Variants in GFRA3 observed in about 807,000 individuals in gnomAD.
GFRA3 encodes GDNF family receptor alpha 3, also known as GDNF family receptor alpha-3.
Under a neutral mutation model 40.0 loss-of-function variants are expected in GFRA3, and 24 were observed. The ratio of observed to expected loss-of-function variants is 0.60; its 90% CI spans 0.43 to 0.84. The LOEUF is 0.84. GFRA3 is among the 40% of genes least tolerant of loss of function. GFRA3 has a pLI of 0.00. For missense variants in GFRA3, 405 were observed against 530.6 expected, an observed-to-expected ratio of 0.76 and a Z score of 2.33; for synonymous variants, 203 against 213.5, an observed-to-expected ratio of 0.95 and a Z score of 0.43.
intron 1 of GFRA3, among the ~76,000 whole-genome samples, chr5:138,272,455 C>T (rs1003409243): frequency 1.4e-5 from 2 of 147,700 alleles, no homozygotes; most frequent in African/African-American, 2.5e-5. Flanking sequence ...CCTGGGCATC[C>T]GAGATGGCAA....
At position 138,259,554 on chromosome 5, in the gene GFRA3, C is replaced by T. The variant is rs755423016; in HGVS notation, c.472+3G>A. 8 of 1,430,620 alleles carry T rather than the reference C, an allele frequency of 5.6e-6. No homozygotes were observed. The East Asian group carries it at 1.8e-4, about 32-fold the overall frequency. The allele number at this position is 1,430,620 out of a possible 1,614,324, so 88.6% of individuals were successfully genotyped here. A position where few individuals can be genotyped will look rare whatever the true frequency, so the allele number is the denominator to read the frequency against. ...GGTTCCCGAGCCTAGTTGCCCTCCA[C>T]ACCTGGTTTGAGCATGTTCAGTTTG... On this transcript the variant is annotated splice_donor_region_variant and intron_variant, in intron 3 of 7. Transcript: ENST00000274721.
chr5:138,273,335 T>C (rs951904290), intron 1 of GFRA3, among the ~76,000 whole-genome samples: 11 of 152,308 alleles, frequency 7.2e-5, no homozygotes, highest in Admixed American at 1.3e-4. Context: ...CTGTGGAAAA[T>C]AGATCTGTCA....
chr5:138,258,671 C>T (rs908374832), intron 3 of GFRA3, among the ~76,000 whole-genome samples: 1 of 152,134 alleles, frequency 6.6e-6, no homozygotes, highest in Non-Finnish European at 1.5e-5. Flanking sequence ...TTCTAAAGCA[C>T]TTTCAGAACT....
intron 1 of GFRA3, among the ~76,000 whole-genome samples, chr5:138,273,342 G>C (rs537750983): frequency 1.4e-4 from 22 of 152,298 alleles, no homozygotes; most frequent in African/African-American, 5.1e-4. Context: ...AAATAGATCT[G>C]TCACCAACAC....
At chr5:138,265,310 G>A (rs543569098) in intron 1 of GFRA3, among the ~76,000 whole-genome samples, 29 of 150,518 alleles carry the variant, frequency 1.9e-4, no homozygotes, top group Non-Finnish European at 3.1e-4. Flanking sequence ...TCCGCCTCCC[G>A]GGTTCAAGCG....
chr5:138,253,374 C>T lies in GFRA3; in HGVS notation c.1026G>A (p.Thr342=), dbSNP rs369291619. 1.3e-5 allele frequency: 20 copies of T among 1,580,476 alleles called. No homozygotes were observed. Among genetic ancestry groups the T allele is most frequent in the South Asian group, 6.9e-5 (6 of 87,218 alleles). The change falls in exon 7 of 8, where the codon ACG becomes ACA. Residue 342 remains threonine, a splice_region_variant and synonymous_variant. Transcript: ENST00000274721. ...AACGCATCTTAGCTGCAATGGCCTC[C>T]GCTGAAGAGAGGAGAGAAGGCTCAT... ...EGFFSHNPCL[T]EAIAAKMRFH...
At chr5:138,273,266 A>T (rs1755902672) in intron 1 of GFRA3, among the ~76,000 whole-genome samples, 1 of 152,056 alleles carries the variant, frequency 6.6e-6, no homozygotes, top group African/African-American at 2.4e-5. Flanking sequence ...CTCCTAGATG[A>T]CTGTTTTATG....
intron 5 of GFRA3, 78 bp downstream of exon 5, chr5:138,253,979 C>G: frequency 6.3e-7 from 1 of 1,575,940 alleles, no homozygotes; most frequent in Admixed American, 1.7e-5. Flanking sequence ...ATGTCAGGAT[C>G]ACATCCTTTA....
At chr5:138,271,657 A>T (rs1320148336) in intron 1 of GFRA3, among the ~76,000 whole-genome samples, 1 of 150,048 alleles carries the variant, frequency 6.7e-6, no homozygotes, top group African/African-American at 2.5e-5. Flanking sequence ...TGCAGCCTAC[A>T]GTCTCGACCT....
In GFRA3 at chr5:138,264,275, C is replaced by A. The variant is rs201874513; in HGVS notation, c.365G>T (p.Arg122Leu). 5 of 1,597,842 alleles carry A rather than the reference C, an allele frequency of 3.1e-6. No individual in the cohort carries two copies. Among genetic ancestry groups the A allele is most frequent in the Non-Finnish European group, 4.3e-6 (5 of 1,167,232 alleles). ...GGGAGCCTCACCAAGGCTGCGGGCA[C>A]GGTGAACGGTCCAATAGATGTCCAA... ...ACLDIYWTVH[R>L]ARSLGNYELD... Residue 122 changes from arginine (R) to leucine (L), a missense_variant, in exon 2 of 8, where the codon CGT becomes CTT. Arg to Leu is a moderately radical substitution (Grantham distance 102). Coordinates refer to ENST00000274721, the MANE Select transcript of GFRA3 (RefSeq NM_001496.4).
In GFRA3 at chr5:138,274,207, T is replaced by TC. The variant is rs540827412; in HGVS notation, c.91+126dup. ...GGCACCCTGGGCTTCCTGCTCCAGTTCCCCTTGTTCGGCTCGGATGCACCG... is the reference window on the plus strand; with the variant it reads ...GGCACCCTGGGCTTCCTGCTCCAGTTCCCCCTTGTTCGGCTCGGATGCACCG... On this transcript the variant is annotated intron_variant, in intron 1 of 7. Coordinates refer to ENST00000274721, the MANE Select transcript of GFRA3 (RefSeq NM_001496.4). The TC allele has an allele frequency of 4.9e-3, 5,935 of 1,216,964 alleles. 23 individuals are homozygous for TC. Among genetic ancestry groups the TC allele is most frequent in the Non-Finnish European group, 5.7e-3 (5,442 of 954,568 alleles). 75.4% of individuals were successfully genotyped at this position (1,216,964 alleles called of 1,614,324 possible).
At chr5:138,268,210 A>T (rs1204218790) in intron 1 of GFRA3, among the ~76,000 whole-genome samples, 2 of 144,574 alleles carry the variant, frequency 1.4e-5, no homozygotes, top group Admixed American at 1.4e-4. Flanking sequence ...GCTTGAACCC[A>T]GGAGGCAGAG....
rs1755924883 is a variant in GFRA3, at chr5:138,274,596, A to G, written c.-172T>C. Reference sequence around the variant, plus strand: ...CCCTCCAACTCCGAAGCGCGCGTCCACACCACGCGCCTCCAGCGCTGGTCC... The same window carrying G: ...CCCTCCAACTCCGAAGCGCGCGTCCGCACCACGCGCCTCCAGCGCTGGTCC... On this transcript the variant is annotated 5_prime_UTR_variant, in exon 1 of 8. Coordinates refer to ENST00000274721, the MANE Select transcript of GFRA3 (RefSeq NM_001496.4). The G allele has an allele frequency of 1.6e-6, 2 of 1,220,042 alleles. No individual in the cohort carries two copies. Among genetic ancestry groups the G allele is most frequent in the East Asian group, 3.2e-5 (1 of 30,902 alleles). The allele number at this position is 1,220,042 out of a possible 1,614,324, so 75.6% of individuals were successfully genotyped here. A position where few individuals can be genotyped will look rare whatever the true frequency, so the allele number is the denominator to read the frequency against.
intron 2 of GFRA3, among the ~76,000 whole-genome samples, chr5:138,262,783 G>A (rs1359630785): frequency 6.6e-6 from 1 of 151,972 alleles, no homozygotes; most frequent in Non-Finnish European, 1.5e-5. Context: ...GAGAATGTTT[G>A]TTGTGGTTAT....
At chr5:138,258,633 GA>G (rs1280162067) in intron 3 of GFRA3, among the ~76,000 whole-genome samples, 2 of 152,172 alleles carry the variant, frequency 1.3e-5, no homozygotes, top group Non-Finnish European at 2.9e-5. Context: ...TCTGATGGTA[GA>G]AATGATAACC....
At chr5:138,264,118 C>T in intron 2 of GFRA3, 143 bp downstream of exon 2, 1 of 701,954 alleles carries the variant, frequency 1.4e-6, no homozygotes. Context: ...AGCACTATCC[C>T]TCCACCTTTC....
intron 4 of GFRA3, among the ~76,000 whole-genome samples, chr5:138,254,375 C>T (rs532857869): frequency 5.3e-5 from 8 of 151,904 alleles, no homozygotes; most frequent in Non-Finnish European, 1.2e-4. Flanking sequence ...TTAGTAGAGA[C>T]GGGGTTTCAC....
chr5:138,267,660 C>T (rs1755807451), intron 1 of GFRA3: 1 of 199,472 alleles, frequency 5.0e-6, no homozygotes. Flanking sequence ...GGAATTCCTT[C>T]CTTATCTTGG....
chr5:138,261,492 A>C (rs1581510126), intron 2 of GFRA3, among the ~76,000 whole-genome samples: 1 of 152,014 alleles, frequency 6.6e-6, no homozygotes, highest in South Asian at 2.1e-4. Context: ...TCAGGAGTTC[A>C]AGACCAGCCT....
Sources: allele counts gnomAD v4.1 joint callset (sites outside exome capture counted in the v4.1 genomes callset), GRCh38; gene constraint gnomAD v4.1.1; transcripts MANE v1.5; gene names NCBI Gene and HGNC (gene_info 2026-07-23, HGNC 2026-07-21).